Variants in CCDC93 observed in about 807,000 individuals in gnomAD.
The protein encoded by CCDC93 is CCC complex scaffolding subunit CCDC93, also known as coiled-coil domain-containing protein 93.
In CCDC93, 61 loss-of-function variants were observed where a neutral mutation model predicts 108.2. That is an observed-to-expected ratio of 0.56 (90% CI 0.46 to 0.70). The LOEUF is 0.70. Among genes scored for constraint, CCDC93 ranks in the 30% least tolerant of loss-of-function variants. The probability of loss-of-function intolerance (pLI) is 0.00; values close to 1 mark genes in which losing one functional copy is unlikely to be tolerated. For synonymous variants in CCDC93, 276 were observed against 260.4 expected (o/e 1.06, Z -0.58); for missense variants, 685 against 764.2 (o/e 0.90, Z 1.22).
chr2:117,924,922 G>A (rs1392501516), intron 23 of CCDC93, among the ~76,000 whole-genome samples: 1 of 152,208 alleles, frequency 6.6e-6, no homozygotes, highest in African/African-American at 2.4e-5. Context: ...ACTAACAGCT[G>A]ATCTCCTGGC....
chr2:118,005,591 T>C (rs1222561207), intron 3 of CCDC93, among the ~76,000 whole-genome samples: 3 of 152,058 alleles, frequency 2.0e-5, no homozygotes, highest in South Asian at 4.1e-4. Flanking sequence ...ACACCATCCC[T>C]ACAAAAAATT....
Position 117,988,337 on chromosome 2 carries a change from AG to A in CCDC93, c.520-2269del, listed in dbSNP as rs372048798. Among the ~76,000 whole-genome samples the A allele has an allele frequency of 3.2e-3, 494 of 152,270 alleles. 1 individual carries two copies. The highest frequency in any genetic ancestry group is 0.011 in the African/African-American group (461 of 41,550). ...ATTCCTCAATGCAGGGAAGGGAGGT[AG>A]AACAGCACAGTACCATGGCAGTGTC... On this transcript the variant is annotated intron_variant, in intron 6 of 23. Coordinates refer to ENST00000376300, the MANE Select transcript of CCDC93 (RefSeq NM_019044.5).
Position 117,996,301 on chromosome 2 carries a change from G to C in CCDC93, c.425C>G (p.Ser142Cys). ...EEMGDYIRSY[S>C]VSQFQKTYSL... ...GTAAGTCTTCTGGAACTGGGATACA[G>C]AGTAGGAGCGGATATAGTCACCCAT... Residue 142 changes from serine to cysteine, a missense_variant, in exon 5 of 24, where the codon TCT becomes TGT. Ser to Cys is a moderately radical substitution (Grantham distance 112). Transcript: ENST00000376300. 1.2e-6 allele frequency: 2 copies of C among 1,613,510 alleles called. No homozygotes were observed. The highest frequency in any genetic ancestry group is 2.2e-5 in the East Asian group (1 of 44,872).
Position 117,935,495 on chromosome 2 carries a change from C to G in CCDC93, c.1728G>C (p.Lys576Asn). 1 of 1,611,462 alleles carries G rather than the reference C, an allele frequency of 6.2e-7. No homozygotes were observed. The highest frequency in any genetic ancestry group is 8.5e-7 in the Non-Finnish European group (1 of 1,177,820). Residue 576 changes from lysine to asparagine, a missense_variant and splice_region_variant, in exon 22 of 24, where the codon AAG becomes AAC. Physicochemically the swap from Lys to Asn is moderately conservative, Grantham distance 94. Transcript: ENST00000376300. ...CATTACAGAAAAGAAGCCATCTGAC[C>G]TTCATTCTACTTTGCTTAATTCCTT... is the stretch of plus-strand genomic sequence containing the variant. ...IVEGIKQSRM[K>N]MEKKKQENKM...
At chr2:118,007,220 G>A (rs1261296352) in intron 2 of CCDC93, among the ~76,000 whole-genome samples, 1 of 152,236 alleles carries the variant, frequency 6.6e-6, no homozygotes, top group South Asian at 2.1e-4. Flanking sequence ...TGGGCAGCAA[G>A]GCTGACATTT....
chr2:117,972,516 G>A (rs970559255), intron 11 of CCDC93, among the ~76,000 whole-genome samples: 2 of 152,160 alleles, frequency 1.3e-5, no homozygotes, highest in Non-Finnish European at 2.9e-5. Context: ...CCAACCACAG[G>A]GGGCTCTGCC....
At chr2:117,977,452 T>C (rs1679978945) in intron 8 of CCDC93, among the ~76,000 whole-genome samples, 1 of 152,228 alleles carries the variant, frequency 6.6e-6, no homozygotes, top group South Asian at 2.1e-4. Flanking sequence ...AGAAAGAGTT[T>C]AGCACCATAA....
chr2:117,948,068 C>T (rs766885090), intron 15 of CCDC93, 37 bp downstream of exon 15: 9 of 1,473,008 alleles, frequency 6.1e-6, no homozygotes, highest in South Asian at 3.4e-5. Context: ...ATTCAATAAG[C>T]GTCCTGGTTT....
intron 8 of CCDC93, among the ~76,000 whole-genome samples, chr2:117,977,731 ACTAGACCC>A (rs1679987662): frequency 1.3e-5 from 2 of 152,278 alleles, no homozygotes; most frequent in East Asian, 3.9e-4. Flanking sequence ...CTGCAGAGCC[ACTAGACCC>A]CAAGTGACTG....
intron 21 of CCDC93, 34 bp downstream of exon 21, chr2:117,936,668 G>C: frequency 1.9e-6 from 3 of 1,574,790 alleles, no homozygotes; most frequent in Non-Finnish European, 2.6e-6. Flanking sequence ...AGGCCGGCAG[G>C]GTATTAGTGG....
In CCDC93 at chr2:117,921,996, G is replaced by A. The variant is rs140731838; in HGVS notation, c.1843-1600C>T. On this transcript the variant is annotated intron_variant, in intron 23 of 23. Coordinates refer to ENST00000376300, the MANE Select transcript of CCDC93 (RefSeq NM_019044.5). ...AAAATGGCTTGAGATGTACTTGGGG[G>A]GAAAAAAGACTCCAGCTTAAAACAA... 3.5e-3 allele frequency among the ~76,000 whole-genome samples: 533 copies of A among 151,598 alleles called. 4 individuals are homozygous for A. The highest frequency in any genetic ancestry group is 0.012 in the African/African-American group (511 of 41,318).
rs35891278 is a variant in CCDC93 at position 117,920,340 on chromosome 2, T to C, written c.*3A>G. The C allele has an allele frequency of 0.07, 112,577 of 1,608,332 alleles. 4,434 individuals are homozygous for C. The highest frequency in any genetic ancestry group is 0.08 in the Non-Finnish European group (94,146 of 1,175,266). On this transcript the variant is annotated 3_prime_UTR_variant, in exon 24 of 24. Coordinates refer to ENST00000376300, the MANE Select transcript of CCDC93 (RefSeq NM_019044.5). ...AATGACATACAGCCACGGCTGGGGA[T>C]GTTCAGGAGGCCTTCGCTTTCACCT...
chr2:117,992,831 A>T (rs7564075), intron 6 of CCDC93, among the ~76,000 whole-genome samples: 52,528 of 151,198 alleles, frequency 0.35, 9,629 homozygotes, highest in Middle Eastern at 0.47. Context: ...TGTCATTATC[A>T]CATATTCCTT....
intron 7 of CCDC93, among the ~76,000 whole-genome samples, chr2:117,979,864 T>C (rs1193410738): frequency 6.6e-6 from 1 of 152,198 alleles, no homozygotes; most frequent in Non-Finnish European, 1.5e-5. Context: ...CCCTTGCACC[T>C]AGGGTTCTGA....
intron 11 of CCDC93, among the ~76,000 whole-genome samples, chr2:117,961,522 A>C (rs754626046): frequency 8.5e-5 from 13 of 152,216 alleles, no homozygotes; most frequent in Admixed American, 3.3e-4. Flanking sequence ...CTGAGCTGAA[A>C]TGAGAGTTCC....
chr2:117,971,414 AAAAT>A (rs968381840), intron 11 of CCDC93, among the ~76,000 whole-genome samples: 19 of 128,672 alleles, frequency 1.5e-4, no homozygotes, highest in African/African-American at 4.6e-4. Flanking sequence ...TAGAAAAATA[AAAAT>A]AAATAAACAA....
intron 18 of CCDC93, 107 bp downstream of exon 18, chr2:117,943,917 T>G: frequency 1.5e-6 from 1 of 674,890 alleles, no homozygotes. Flanking sequence ...GCAGCCTCAT[T>G]ACTTATTTTC....
intron 8 of CCDC93, among the ~76,000 whole-genome samples, chr2:117,975,756 G>A (rs1224709710): frequency 6.6e-6 from 1 of 152,178 alleles, no homozygotes; most frequent in Non-Finnish European, 1.5e-5. Flanking sequence ...TGAAACTTTT[G>A]TTTCAGGGGT....
At chr2:117,993,346 A>G (rs1454113685) in intron 6 of CCDC93, among the ~76,000 whole-genome samples, 1 of 151,262 alleles carries the variant, frequency 6.6e-6, no homozygotes, top group Non-Finnish European at 1.5e-5. Context: ...CAGTGAGCCG[A>G]GACAGCGCCA....
Sources: gnomAD v4.1 joint callset for allele counts (sites outside exome capture counted in the v4.1 genomes callset) on GRCh38, gnomAD v4.1.1 for gene constraint, MANE v1.5 for transcripts, NCBI Gene and HGNC (gene_info 2026-07-23, HGNC 2026-07-21) for gene names.